Variants in SMPD4 observed in about 807,000 individuals in gnomAD.
SMPD4 encodes neutral sphingomyelinase 3.
A neutral mutation model predicts 97.8 loss-of-function variants in SMPD4; 58 were observed. The observed-to-expected ratio is 0.59, with a 90% CI of 0.48 to 0.74. The LOEUF is 0.74. Among genes scored for constraint, SMPD4 ranks in the 30% least tolerant of loss-of-function variants. The probability of loss-of-function intolerance (pLI) is 0.00; values close to 1 mark genes in which losing one functional copy is unlikely to be tolerated. For synonymous variants in SMPD4, 388 were observed against 450.0 expected (o/e 0.86, Z 1.74); for missense variants, 853 against 1,080.5 (o/e 0.79, Z 2.95).
intron 12 of SMPD4, 50 bp from the exon 13 acceptor site, chr2:130,156,725 T>G: frequency 6.3e-7 from 1 of 1,584,472 alleles, no homozygotes; most frequent in Non-Finnish European, 8.6e-7. Context: ...AAGGAGGCCC[T>G]GCTCACAGAT....
chr2:130,157,210 G>A (rs750797826), intron 12 of SMPD4, 41 bp downstream of exon 12: 7 of 1,550,386 alleles, frequency 4.5e-6, no homozygotes, highest in Non-Finnish European at 6.1e-6. Context: ...AGGGGAAAGT[G>A]GGGGAGACGG....
intron 1 of SMPD4, among the ~76,000 whole-genome samples, chr2:130,177,272 G>T (rs769404250): frequency 6.6e-6 from 1 of 152,138 alleles, no homozygotes; most frequent in Non-Finnish European, 1.5e-5. Flanking sequence ...GTAAAGATGG[G>T]GGTTTCATCA....
chr2:130,172,228 G>A, intron 8 of SMPD4, 121 bp downstream of exon 8: 1 of 1,136,446 alleles, frequency 8.8e-7, no homozygotes, highest in East Asian at 2.5e-5. Flanking sequence ...GATGGGGAAT[G>A]AGGCATAAGA....
chr2:130,165,998 A>G (rs1299068538), intron 9 of SMPD4, among the ~76,000 whole-genome samples: 1 of 152,034 alleles, frequency 6.6e-6, no homozygotes, highest in Non-Finnish European at 1.5e-5. Flanking sequence ...TGTTATATAT[A>G]TCTTATAATT....
chr2:130,159,612 T>C (rs1247821860), intron 11 of SMPD4: 3 of 138,734 alleles, frequency 2.2e-5, no homozygotes, highest in Non-Finnish European at 4.5e-5. Context: ...CATTCCAGCC[T>C]GGGCAACGGA....
rs1686266100 is a variant in SMPD4, at chr2:130,151,661, TTC to T, written c.*892_*893del. The T allele has an allele frequency of 6.7e-6, 1 of 148,236 alleles. No individual in the cohort carries two copies. Among genetic ancestry groups the T allele is most frequent in the Non-Finnish European group, 1.5e-5 (1 of 67,524 alleles). The allele number at this position is 148,236 out of a possible 1,614,324, so 9.2% of individuals were successfully genotyped here. The stretch of plus-strand genomic sequence containing the variant: ...ATGAAGGTGAAGACCCCGTGCTGGT[TTC>T]TGTCAGAGAATCTGTAGTTGTATAT... On this transcript the variant is annotated 3_prime_UTR_variant, in exon 20 of 20. Transcript: ENST00000680298.
chr2:130,154,092 A>G (rs1215467323), intron 16 of SMPD4, 157 bp from the exon 17 acceptor site: 8 of 1,106,684 alleles, frequency 7.2e-6, no homozygotes, highest in Non-Finnish European at 5.1e-6. Flanking sequence ...TACATTTGAA[A>G]TTTCCCAAGA....
chr2:130,153,022 C>T (rs749726318), intron 19 of SMPD4, 21 bp downstream of exon 19: 1 of 1,604,086 alleles, frequency 6.2e-7, no homozygotes, highest in Non-Finnish European at 8.5e-7. Flanking sequence ...AGACGCCAGG[C>T]CAGCCCTCCT....
Position 130,152,699 on chromosome 2 carries a change from C to T in SMPD4, c.2340G>A (p.Leu780=), listed in dbSNP as rs577449039. The change falls in exon 20 of 20, where the codon CTG becomes CTA. Residue 780 remains leucine (L), a synonymous_variant. Transcript: ENST00000680298. ...SLRFLGSYRT[L]VSLLLAFFVA... is the part of the protein sequence containing the mutation. The stretch of plus-strand genomic sequence containing the variant: ...CGAAGAAGGCCAGCAGCAGCGAGAC[C>T]AGCGTCCGGTAACTGCCCAGGAAGC... 9.3e-5 allele frequency: 146 copies of T among 1,575,614 alleles called. 1 individual carries two copies. The South Asian group carries it at 1.2e-3, about 12-fold the overall frequency.
intron 11 of SMPD4, among the ~76,000 whole-genome samples, chr2:130,160,729 G>C (rs1687314596): frequency 6.6e-6 from 1 of 152,020 alleles, no homozygotes; most frequent in South Asian, 2.1e-4. Context: ...TCCAGGCTGG[G>C]TGACAGTTCT....
At chr2:130,157,455 C>A in intron 11 of SMPD4, 59 bp from the exon 12 acceptor site, 1 of 1,604,090 alleles carries the variant, frequency 6.2e-7, no homozygotes, top group Non-Finnish European at 8.5e-7. Flanking sequence ...TAGCACTCCG[C>A]CTCCAGGTCT....
At chr2:130,156,218 T>C in intron 13 of SMPD4, 83 bp from the exon 14 acceptor site, 1 of 1,181,902 alleles carries the variant, frequency 8.5e-7, no homozygotes, top group African/African-American at 1.5e-5. Context: ...AGGCGGCAGC[T>C]GGGTGGGACT....
At chr2:130,154,996 C>T (rs1686633220) in intron 15 of SMPD4, 100 bp downstream of exon 15, 9 of 1,453,682 alleles carry the variant, frequency 6.2e-6, no homozygotes, top group South Asian at 4.0e-5. Context: ...CCACTCTGGG[C>T]GTGTGGGTCC....
chr2:130,176,514 T>G, intron 2 of SMPD4, 40 bp downstream of exon 2: 1 of 1,534,114 alleles, frequency 6.5e-7, no homozygotes, highest in Non-Finnish European at 9.0e-7. Flanking sequence ...TCTACAGAAC[T>G]ATGGCCACAC....
At chr2:130,173,758 C>T (rs1688706222) in intron 3 of SMPD4, 102 bp from the exon 4 acceptor site, 1 of 1,496,478 alleles carries the variant, frequency 6.7e-7, no homozygotes, top group African/African-American at 1.4e-5. Flanking sequence ...GAGGAAGCCA[C>T]TCCCTGGCTA....
At chr2:130,171,793 C>T in intron 8 of SMPD4, among the ~76,000 whole-genome samples, 1 of 152,216 alleles carries the variant, frequency 6.6e-6, no homozygotes, top group Middle Eastern at 3.2e-3. Context: ...GGTGCACAGG[C>T]AGCTGCTGCT....
At position 130,154,667 on chromosome 2, in the gene SMPD4, A is replaced by G. The variant is rs1001372660; in HGVS notation, c.1454-185T>C. 23 of 713,198 alleles carry G rather than the reference A, an allele frequency of 3.2e-5. No individual in the cohort carries two copies. In the Admixed American group the frequency reaches 3.6e-4, roughly 11 times the overall value. The allele number at this position is 713,198 out of a possible 1,614,324, so 44.2% of individuals were successfully genotyped here. On this transcript the variant is annotated intron_variant, in intron 15 of 19. Coordinates refer to ENST00000680298, the MANE Select transcript of SMPD4 (RefSeq NM_017951.5). ...CTGACATGGGGAGGGCGGATGGGGGAGCTGCTGGCTCACAGAGCCCCTAGC... is the reference window on the plus strand; with the variant it reads ...CTGACATGGGGAGGGCGGATGGGGGGGCTGCTGGCTCACAGAGCCCCTAGC...
rs1452448146 is a variant in SMPD4 at position 130,173,499 on chromosome 2, G to A, written c.269+15C>T. 1.0e-5 allele frequency: 16 copies of A among 1,591,780 alleles called. No homozygotes were observed. The highest frequency in any genetic ancestry group is 1.4e-5 in the Non-Finnish European group (16 of 1,166,296). On this transcript the variant is annotated intron_variant, in intron 4 of 19. Coordinates refer to ENST00000680298, the MANE Select transcript of SMPD4 (RefSeq NM_017951.5). ...AGGAATCACCCAGCCTCTCTCCGGT[G>A]ACCAACCTACCTACCCAGGGTCGAG...
At position 130,164,250 on chromosome 2, in the gene SMPD4, A is replaced by G. The variant is rs1262074641; in HGVS notation, c.864+124T>C. 37 of 808,152 alleles carry G rather than the reference A, an allele frequency of 4.6e-5. 1 individual carries two copies. The highest frequency in any genetic ancestry group is 7.9e-5 in the Non-Finnish European group (37 of 470,840). The allele number at this position is 808,152 out of a possible 1,614,324, so 50.1% of individuals were successfully genotyped here. On this transcript the variant is annotated intron_variant, in intron 10 of 19. Coordinates refer to ENST00000680298, the MANE Select transcript of SMPD4 (RefSeq NM_017951.5). ...ACTTCTTATTTGGCTTCTGAGTGACAGGTGGGTGGTGGGTTTCTGCTTCCC... is the reference window on the plus strand; with the variant it reads ...ACTTCTTATTTGGCTTCTGAGTGACGGGTGGGTGGTGGGTTTCTGCTTCCC...
Sources: gnomAD v4.1 joint callset for allele counts (sites outside exome capture counted in the v4.1 genomes callset) on GRCh38, gnomAD v4.1.1 for gene constraint, MANE v1.5 for transcripts, NCBI Gene and HGNC (gene_info 2026-07-23, HGNC 2026-07-21) for gene names.